The following MYRFL variants were observed in gnomAD, a reference collection of about 807,000 sequenced individuals.
The protein encoded by MYRFL is myelin regulatory factor like.
In MYRFL, 88 loss-of-function variants were observed where a neutral mutation model predicts 109.4. The ratio of observed to expected loss-of-function variants is 0.80; its 90% CI spans 0.68 to 0.96. The LOEUF is 0.96. Ranked by LOEUF, MYRFL falls within the 40% of genes least tolerant of loss-of-function variation. The pLI is 0.00. For missense variants in MYRFL, 957 were observed against 954.9 expected (o/e 1.00, Z -0.03); for synonymous variants, 324 against 320.9 (o/e 1.01, Z -0.10).
intron 16 of MYRFL, among the ~76,000 whole-genome samples, chr12:69,933,365 A>C (rs1955332384): frequency 1.3e-5 from 2 of 151,906 alleles, no homozygotes; most frequent in South Asian, 4.2e-4. Flanking sequence ...CTTTGAGTGC[A>C]CCTGTTTTTT....
At chr12:69,944,813 C>T (rs555928614) in intron 19 of MYRFL, among the ~76,000 whole-genome samples, 1 of 152,214 alleles carries the variant, frequency 6.6e-6, no homozygotes. Flanking sequence ...ACCACCAAGG[C>T]GTGTGTATAC....
chr12:69,855,441 T>C, intron 2 of MYRFL, 71 bp downstream of exon 2: 1 of 667,612 alleles, frequency 1.5e-6, no homozygotes, highest in Non-Finnish European at 2.7e-6. Context: ...AGCTAAGAAG[T>C]GTTCCCTCCT....
chr12:69,920,774 G>C (rs1282103227), intron 13 of MYRFL, among the ~76,000 whole-genome samples: 1 of 152,174 alleles, frequency 6.6e-6, no homozygotes, highest in Non-Finnish European at 1.5e-5. Flanking sequence ...TTAGATAAGG[G>C]ATACCCACTC....
chr12:69,882,652 C>T (rs964389223), intron 5 of MYRFL, among the ~76,000 whole-genome samples: 2 of 152,126 alleles, frequency 1.3e-5, no homozygotes, highest in Non-Finnish European at 2.9e-5. Flanking sequence ...ACTGGGTTGG[C>T]GTGGGCAAAT....
At chr12:69,829,754 T>A (rs1306625211) in intron 1 of MYRFL, among the ~76,000 whole-genome samples, 1 of 152,130 alleles carries the variant, frequency 6.6e-6, no homozygotes, top group African/African-American at 2.4e-5. Flanking sequence ...TTAGCAGAGA[T>A]AAAATGATAA....
chr12:69,859,045 A>AT lies in MYRFL; in HGVS notation c.137+3682dup, dbSNP rs1350446085. Among the ~76,000 whole-genome samples the AT allele has an allele frequency of 4.6e-5, 7 of 151,554 alleles. No individual in the cohort carries two copies. The East Asian group carries it at 5.8e-4, about 13-fold the overall frequency. ...AGTTTTTGATATACTATATATATAT[A>AT]TTTTTTTCAGTTCAAAATACTTTCA... On this transcript the variant is annotated intron_variant, in intron 2 of 24. Transcript: ENST00000552032.
chr12:69,864,681 A>C (rs963866108), intron 2 of MYRFL, among the ~76,000 whole-genome samples: 33 of 138,358 alleles, frequency 2.4e-4, no homozygotes, highest in African/African-American at 8.7e-4. Flanking sequence ...ACACACACAC[A>C]CACACACAGA....
chr12:69,901,447 G>A (rs565202579), intron 10 of MYRFL, among the ~76,000 whole-genome samples: 121 of 152,268 alleles, frequency 7.9e-4, no homozygotes, highest in Middle Eastern at 3.4e-3. Context: ...CCAAAATAAT[G>A]TGAACATATT....
chr12:69,910,819 A>G lies in MYRFL; in HGVS notation c.1493-2A>G. 4 of 1,532,212 alleles carry G rather than the reference A, an allele frequency of 2.6e-6. No individual in the cohort carries two copies. The highest frequency in any genetic ancestry group is 3.5e-6 in the Non-Finnish European group (4 of 1,143,682). The allele number at this position is 1,532,212 out of a possible 1,614,324, so 94.9% of individuals were successfully genotyped here. A position where few individuals can be genotyped will look rare whatever the true frequency, so the allele number is the denominator to read the frequency against. ...TAAACCTGTGGAGTGTTTTGTATAC[A>G]GGAATGATTGCCCAGGAGGTGCAAG... is the stretch of plus-strand genomic sequence containing the variant. On this transcript the variant is annotated splice_acceptor_variant, in intron 12 of 24. Coordinates refer to ENST00000552032, the MANE Select transcript of MYRFL (RefSeq NM_182530.3). LOFTEE classifies it high-confidence loss of function.
intron 1 of MYRFL, among the ~76,000 whole-genome samples, chr12:69,837,181 A>C (rs1228349229): frequency 6.6e-6 from 1 of 152,194 alleles, no homozygotes; most frequent in East Asian, 1.9e-4. Context: ...CAGAGGGAAG[A>C]GCAGGGAAAG....
Position 69,958,551 on chromosome 12 carries a change from T to C in MYRFL, c.*20T>C. On this transcript the variant is annotated 3_prime_UTR_variant, in exon 25 of 25. Coordinates refer to ENST00000552032, the MANE Select transcript of MYRFL (RefSeq NM_182530.3). ...GCCTAATTTGTTCAAGTTTGGGGAC[T>C]TTACCAAAGAAAAATACTCAGGAAT... is the stretch of plus-strand genomic sequence containing the variant. 1 of 1,490,784 alleles carries C rather than the reference T, an allele frequency of 6.7e-7. No homozygotes were observed. The highest frequency in any genetic ancestry group is 9.0e-7 in the Non-Finnish European group (1 of 1,116,514). The allele number at this position is 1,490,784 out of a possible 1,614,324, so 92.3% of individuals were successfully genotyped here. A position where few individuals can be genotyped will look rare whatever the true frequency, so the allele number is the denominator to read the frequency against.
At chr12:69,869,961 T>C (rs1237448991) in intron 2 of MYRFL, among the ~76,000 whole-genome samples, 2 of 152,156 alleles carry the variant, frequency 1.3e-5, no homozygotes, top group Non-Finnish European at 2.9e-5. Context: ...TTGGTTCACA[T>C]AGATTCAACC....
chr12:69,941,681 A>C, intron 19 of MYRFL, among the ~76,000 whole-genome samples: 1 of 142,314 alleles, frequency 7.0e-6, no homozygotes. Context: ...AAATAACTGA[A>C]ATCAGAGCAG....
chr12:69,927,702 T>G lies in MYRFL; in HGVS notation c.1784T>G (p.Val595Gly), dbSNP rs1955141073. Reference sequence around the variant, plus strand: ...TTTTAAAGCAAATCTAGCAGAGCCGTTAGTGCATCTTCTCCAAGAAGGGCC... The same window carrying G: ...TTTTAAAGCAAATCTAGCAGAGCCGGTAGTGCATCTTCTCCAAGAAGGGCC... ...ASTISKSSRA[V>G]SASSPRRAVH... Residue 595 changes from valine (V) to glycine (G), a missense_variant, in exon 15 of 25, where the codon GTT (valine) becomes GGT (glycine). Transcript: ENST00000552032. 6.5e-7 allele frequency: 1 copy of G among 1,533,726 alleles called. No individual in the cohort carries two copies. The highest frequency in any genetic ancestry group is 1.4e-5 in the African/African-American group (1 of 72,884).
At chr12:69,952,425 CCTCTT>C (rs1395260579) in intron 20 of MYRFL, among the ~76,000 whole-genome samples, 4 of 152,162 alleles carry the variant, frequency 2.6e-5, no homozygotes, top group African/African-American at 9.7e-5. Flanking sequence ...AACTTCCTGA[CCTCTT>C]CTATTCTGAC....
chr12:69,916,687 A>G (rs1175247385), intron 13 of MYRFL, among the ~76,000 whole-genome samples: 2 of 152,144 alleles, frequency 1.3e-5, no homozygotes, highest in Admixed American at 6.5e-5. Context: ...ACAGACTGTT[A>G]TAACCCCTCC....
chr12:69,939,966 A>G (rs574516391), intron 19 of MYRFL, among the ~76,000 whole-genome samples: 3 of 152,066 alleles, frequency 2.0e-5, no homozygotes, highest in Non-Finnish European at 2.9e-5. Context: ...AAATGGATGA[A>G]ATGAATGAAA....
chr12:69,903,960 T>A (rs1954277317), intron 11 of MYRFL, 116 bp downstream of exon 11: 1 of 916,190 alleles, frequency 1.1e-6, no homozygotes, highest in East Asian at 2.7e-5. Context: ...CCCACTGGTG[T>A]GAGATGAACA....
chr12:69,888,553 A>C (rs1243695796), intron 6 of MYRFL, among the ~76,000 whole-genome samples: 1 of 152,232 alleles, frequency 6.6e-6, no homozygotes, highest in East Asian at 1.9e-4. Flanking sequence ...CAGAATCGCC[A>C]TTCTTAGGTA....
Sources: gnomAD v4.1 joint callset for allele counts (sites outside exome capture counted in the v4.1 genomes callset) on GRCh38, gnomAD v4.1.1 for gene constraint, MANE v1.5 for transcripts, NCBI Gene and HGNC (gene_info 2026-07-23, HGNC 2026-07-21) for gene names.